Variants in SPAG17 observed in about 807,000 individuals in gnomAD.
SPAG17 encodes sperm associated antigen 17, also known as sperm-associated antigen 17.
Under a neutral mutation model 273.6 loss-of-function variants are expected in SPAG17, and 169 were observed. The ratio of observed to expected loss-of-function variants is 0.62; its 90% CI spans 0.55 to 0.70. The LOEUF (loss-of-function observed/expected upper bound fraction) is 0.70, where lower values mean the gene tolerates loss of function less well. Among genes scored for constraint, SPAG17 ranks in the 30% least tolerant of loss-of-function variants. The pLI is 0.00. For synonymous variants in SPAG17, 825 were observed against 873.2 expected (o/e 0.94, Z 0.97); for missense variants, 2,557 against 2,627.8 (o/e 0.97, Z 0.59).
chr1:118,051,812 TTATAA>T (rs1435210970), intron 20 of SPAG17, among the ~76,000 whole-genome samples: 1 of 140,396 alleles, frequency 7.1e-6, no homozygotes, highest in Non-Finnish European at 1.5e-5. Context: ...ATATATACTA[TTATAA>T]TATATGAACT....
chr1:117,956,713 A>G (rs532630263), intron 48 of SPAG17, among the ~76,000 whole-genome samples: 20 of 152,318 alleles, frequency 1.3e-4, no homozygotes, highest in African/African-American at 4.3e-4. Flanking sequence ...AGGATCAATC[A>G]TCATGTCAGG....
chr1:118,160,237 T>G (rs1659847774), intron 1 of SPAG17, among the ~76,000 whole-genome samples: 1 of 152,344 alleles, frequency 6.6e-6, no homozygotes, highest in Middle Eastern at 3.4e-3. Context: ...TTGACCTTGA[T>G]TGAGTTCCTT....
intron 3 of SPAG17, among the ~76,000 whole-genome samples, chr1:118,136,649 T>G (rs1368511176): frequency 6.6e-6 from 1 of 152,124 alleles, no homozygotes; most frequent in African/African-American, 2.4e-5. Flanking sequence ...TAAAACAGGA[T>G]GCTGGCCCAG....
chr1:117,999,196 A>G lies in SPAG17; in HGVS notation c.4777-2453T>C, dbSNP rs146754972. Among the ~76,000 whole-genome samples the G allele has an allele frequency of 4.7e-3, 719 of 152,270 alleles. 5 individuals are homozygous for G. Among genetic ancestry groups the G allele is most frequent in the African/African-American group, 0.016 (684 of 41,544 alleles). ...ATGTCTGCATAGTATTCCATGGTGT[A>G]TATGTGCCACATTTTTTTAATCCAG... On this transcript the variant is annotated intron_variant, in intron 32 of 48. Coordinates refer to ENST00000336338, the MANE Select transcript of SPAG17 (RefSeq NM_206996.4).
At chr1:118,117,431 A>G (rs1407483727) in intron 3 of SPAG17, among the ~76,000 whole-genome samples, 2 of 152,214 alleles carry the variant, frequency 1.3e-5, no homozygotes, top group African/African-American at 2.4e-5. Context: ...AAAGCATAAC[A>G]AAACATCCTG....
intron 3 of SPAG17, among the ~76,000 whole-genome samples, chr1:118,150,046 A>T (rs1659285138): frequency 6.6e-6 from 1 of 152,170 alleles, no homozygotes; most frequent in Admixed American, 6.5e-5. Flanking sequence ...TTTCATATCG[A>T]TTAAAGTGGG....
chr1:118,121,237 C>G (rs763618291), intron 3 of SPAG17, among the ~76,000 whole-genome samples: 5 of 152,070 alleles, frequency 3.3e-5, no homozygotes, highest in Non-Finnish European at 7.4e-5. Context: ...TGGAGCCAAA[C>G]AAAGGGGAGG....
In SPAG17 at chr1:118,066,797, G is replaced by A. The variant is rs571226025; in HGVS notation, c.2488C>T (p.Arg830Cys). The A allele has an allele frequency of 1.5e-5, 24 of 1,613,610 alleles. No homozygotes were observed. The Middle Eastern group carries it at 6.6e-4, about 44-fold the overall frequency. ...LVFHNPMNRQ[R>C]LHCEYWNIAL... ...ATGTTCCAATATTCACAATGCAAAC[G>A]TTGTCTATTCATTGGATTGTGAAAG... Residue 830 changes from arginine to cysteine, a missense_variant, in exon 18 of 49, where the codon CGT becomes TGT. Transcript: ENST00000336338.
chr1:118,033,037 G>C (rs935115575), intron 24 of SPAG17, among the ~76,000 whole-genome samples: 1 of 152,110 alleles, frequency 6.6e-6, no homozygotes, highest in African/African-American at 2.4e-5. Context: ...TGAGGCCCAG[G>C]CATTTATATT....
intron 17 of SPAG17, among the ~76,000 whole-genome samples, chr1:118,070,648 T>C (rs1003956161): frequency 9.9e-5 from 15 of 152,224 alleles, no homozygotes; most frequent in Admixed American, 3.3e-4. Flanking sequence ...CTAAATTTTA[T>C]AGTAGCCACA....
intron 3 of SPAG17, among the ~76,000 whole-genome samples, chr1:118,149,752 C>T (rs1659270269): frequency 6.6e-6 from 1 of 152,174 alleles, no homozygotes; most frequent in Admixed American, 6.5e-5. Context: ...AAAGTGCAAA[C>T]AAGTTCGTCT....
chr1:118,039,468 A>T (rs780550728), intron 22 of SPAG17, 24 bp from the exon 23 acceptor site: 1 of 1,611,856 alleles, frequency 6.2e-7, no homozygotes, highest in Non-Finnish European at 8.5e-7. Flanking sequence ...ATAGAATAGA[A>T]GATGGGCTGA....
Position 118,086,936 on chromosome 1 carries a change from G to A in SPAG17, c.1432C>T (p.His478Tyr), listed in dbSNP as rs758937477. Residue 478 changes from histidine (H) to tyrosine (Y), a missense_variant, in exon 11 of 49, where the codon CAC (histidine) becomes TAC (tyrosine). Coordinates refer to ENST00000336338, the MANE Select transcript of SPAG17 (RefSeq NM_206996.4). The stretch of plus-strand genomic sequence containing the variant: ...GACACAATGTGAGCTGCGATTCTGT[G>A]GTCTAGCCCGTCTGCTCTGGGGGAT... ...EPSPRADGLD[H>Y]RIAAHIVSLL... 1 of 1,609,534 alleles carries A rather than the reference G, an allele frequency of 6.2e-7. No homozygotes were observed. The highest frequency in any genetic ancestry group is 8.5e-7 in the Non-Finnish European group (1 of 1,178,522).
In SPAG17 at chr1:117,969,736, G is replaced by A. The variant is rs189836711; in HGVS notation, c.6387+320C>T. On this transcript the variant is annotated intron_variant, in intron 46 of 48. Coordinates refer to ENST00000336338, the MANE Select transcript of SPAG17 (RefSeq NM_206996.4). ...CACTTCGCATAAGGATTTACTTTTT[G>A]AAAAGGTAGTTTTTATACAATGGTA... Among the ~76,000 whole-genome samples, 10 of 152,206 alleles carry A rather than the reference G, an allele frequency of 6.6e-5. No homozygotes were observed. In the East Asian group the frequency reaches 1.5e-3, roughly 24 times the overall value.
At chr1:118,012,585 G>C (rs1300571018) in intron 29 of SPAG17, among the ~76,000 whole-genome samples, 3 of 152,222 alleles carry the variant, frequency 2.0e-5, no homozygotes, top group African/African-American at 7.2e-5. Context: ...TAGAGAAGTT[G>C]AGAAGCTTGC....
chr1:118,171,885 C>T (rs1161535947), intron 1 of SPAG17, among the ~76,000 whole-genome samples: 1 of 152,074 alleles, frequency 6.6e-6, no homozygotes, highest in Admixed American at 6.5e-5. Flanking sequence ...AGATTTGGTT[C>T]CTGATGTGAC....
intron 1 of SPAG17, among the ~76,000 whole-genome samples, chr1:118,161,494 C>A (rs905966208): frequency 2.0e-5 from 3 of 152,076 alleles, no homozygotes; most frequent in African/African-American, 7.2e-5. Context: ...TTGTAACTTT[C>A]TTTAGAGTTT....
chr1:118,019,477 A>C (rs1660298323), intron 28 of SPAG17, among the ~76,000 whole-genome samples: 1 of 152,132 alleles, frequency 6.6e-6, no homozygotes, highest in Non-Finnish European at 1.5e-5. Flanking sequence ...AAAAAAAATA[A>C]ATAAAAGTTC....
intron 1 of SPAG17, among the ~76,000 whole-genome samples, chr1:118,178,345 A>G (rs558862557): frequency 6.6e-6 from 1 of 152,216 alleles, no homozygotes; most frequent in East Asian, 1.9e-4. Flanking sequence ...AACAAAACAT[A>G]TATGATCATT....
Sources: allele counts gnomAD v4.1 joint callset (sites outside exome capture counted in the v4.1 genomes callset), GRCh38; gene constraint gnomAD v4.1.1; transcripts MANE v1.5; gene names NCBI Gene and HGNC (gene_info 2026-07-23, HGNC 2026-07-21).